The following LOC128092252 variants were observed in gnomAD, a reference collection of about 807,000 sequenced individuals.
the LOC128092252 span, among the ~76,000 whole-genome samples, chr15:50,684,672 G>T: frequency 1.3e-5 from 2 of 151,920 alleles, no homozygotes; most frequent in Non-Finnish European, 2.9e-5. Context: ...AAAATACAGA[G>T]GAGAAAGAAA....
chr15:50,673,477 G>T, the LOC128092252 span, among the ~76,000 whole-genome samples: 19 of 151,926 alleles, frequency 1.3e-4, no homozygotes, highest in Admixed American at 7.9e-4. Flanking sequence ...ATGCCTTTGC[G>T]TCCTCATAGC....
At chr15:50,686,685 T>C in the LOC128092252 span, 1 of 999,748 alleles carries the variant, frequency 1.0e-6, no homozygotes. Flanking sequence ...CTAACTCAGC[T>C]CCGGCGCTAG....
chr15:50,677,738 CAAAAAAAA>C, the LOC128092252 span, among the ~76,000 whole-genome samples: 67 of 38,160 alleles, frequency 1.8e-3, no homozygotes, highest in Middle Eastern at 0.05. Context: ...GACCCCGTAT[CAAAAAAAA>C]AAAAAAAAAA....
chr15:50,655,452 A>C, the LOC128092252 span, among the ~76,000 whole-genome samples: 4 of 144,340 alleles, frequency 2.8e-5, no homozygotes, highest in South Asian at 2.1e-4. Flanking sequence ...AAAAAACAAA[A>C]AAACAAAAAA....
the LOC128092252 span, among the ~76,000 whole-genome samples, chr15:50,679,530 A>ATTTTT: frequency 4.5e-5 from 2 of 44,852 alleles, no homozygotes; most frequent in African/African-American, 2.1e-4. Flanking sequence ...ATATATATAT[A>ATTTTT]TATATATATT....
chr15:50,648,976 G>A, the LOC128092252 span: 1 of 934,480 alleles, frequency 1.1e-6, no homozygotes, highest in Non-Finnish European at 1.5e-6. Context: ...ACAAATATAA[G>A]CTTTAAAATT....
the LOC128092252 span, among the ~76,000 whole-genome samples, chr15:50,660,270 A>C: frequency 6.6e-6 from 1 of 152,212 alleles, no homozygotes; most frequent in South Asian, 2.1e-4. Flanking sequence ...CATTTACAGA[A>C]TGTATTAAAA....
At chr15:50,672,855 A>G in the LOC128092252 span, among the ~76,000 whole-genome samples, 1 of 133,910 alleles carries the variant, frequency 7.5e-6, no homozygotes, top group Non-Finnish European at 1.6e-5. Flanking sequence ...GGTTGCAGTG[A>G]GCCACTGCAC....
chr15:50,674,309 T>G, the LOC128092252 span, among the ~76,000 whole-genome samples: 1 of 152,036 alleles, frequency 6.6e-6, no homozygotes, highest in African/African-American at 2.4e-5. Context: ...TTTTTGTATT[T>G]TTAGTAGAGA....
the LOC128092252 span, among the ~76,000 whole-genome samples, chr15:50,669,582 T>C: frequency 6.6e-6 from 1 of 152,170 alleles, no homozygotes; most frequent in South Asian, 2.1e-4. Flanking sequence ...TCTGGCCAAG[T>C]ATAACAAAGC....
chr15:50,662,312 G>A, the LOC128092252 span, among the ~76,000 whole-genome samples: 1 of 148,470 alleles, frequency 6.7e-6, no homozygotes, highest in Non-Finnish European at 1.5e-5. Context: ...GGACGACAGA[G>A]CAAGACTCTG....
chr15:50,655,238 A>AT, the LOC128092252 span, among the ~76,000 whole-genome samples: 33 of 151,574 alleles, frequency 2.2e-4, no homozygotes, highest in Middle Eastern at 3.4e-3. Flanking sequence ...GTTCAAGACC[A>AT]CCCTGACCAT....
the LOC128092252 span, among the ~76,000 whole-genome samples, chr15:50,666,424 G>T: frequency 6.6e-6 from 1 of 151,656 alleles, no homozygotes; most frequent in Non-Finnish European, 1.5e-5. Flanking sequence ...CTGGGTGACA[G>T]AATGAGAGAA....
chr15:50,650,709 A>C, the LOC128092252 span, among the ~76,000 whole-genome samples: 286 of 152,048 alleles, frequency 1.9e-3, 1 homozygote, highest in African/African-American at 6.3e-3. Flanking sequence ...AAAACAAAAA[A>C]AAACAAAAAA....
At chr15:50,650,703 C>CAA in the LOC128092252 span, among the ~76,000 whole-genome samples, 3 of 148,378 alleles carry the variant, frequency 2.0e-5, no homozygotes, top group Non-Finnish European at 4.5e-5. Flanking sequence ...TCAAAAAAAA[C>CAA]AAAAAAAAAC....
chr15:50,686,560 G>A, the LOC128092252 span: 1 of 1,609,254 alleles, frequency 6.2e-7, no homozygotes, highest in Non-Finnish European at 8.5e-7. Flanking sequence ...ACTCCGGAAG[G>A]GCAGCAACTC....
At chr15:50,661,393 A>T in the LOC128092252 span, among the ~76,000 whole-genome samples, 1 of 152,318 alleles carries the variant, frequency 6.6e-6, no homozygotes, top group South Asian at 2.1e-4. Flanking sequence ...GTTAAAAATA[A>T]AGCCACCAAA....
the LOC128092252 span, among the ~76,000 whole-genome samples, chr15:50,668,747 A>T: frequency 7.2e-5 from 11 of 152,186 alleles, no homozygotes; most frequent in Admixed American, 4.6e-4. Flanking sequence ...ACATCAAGTG[A>T]TTCACCTGCC....
chr15:50,686,409 G>A, the LOC128092252 span: 1 of 1,526,420 alleles, frequency 6.6e-7, no homozygotes, highest in Non-Finnish European at 9.1e-7. Flanking sequence ...GAAGCCTCAA[G>A]GCAATTCGAG....
Sources: allele counts gnomAD v4.1 joint callset (sites outside exome capture counted in the v4.1 genomes callset), GRCh38; gene constraint gnomAD v4.1.1; transcripts MANE v1.5.